Variants in ACCSL observed in about 807,000 individuals in gnomAD.
The protein encoded by ACCSL is 1-aminocyclopropane-1-carboxylate synthase homolog (inactive) like, also known as probable inactive 1-aminocyclopropane-1-carboxylate synthase-like protein 2.
A neutral mutation model predicts 61.7 loss-of-function variants in ACCSL; 55 were observed. That is an observed-to-expected ratio of 0.89 (90% CI 0.72 to 1.12). ACCSL has a LOEUF of 1.12. ACCSL is among the 50% of genes most tolerant of loss of function. The probability of loss-of-function intolerance (pLI) is 0.00; values close to 1 mark genes in which losing one functional copy is unlikely to be tolerated. For synonymous variants in ACCSL, 258 were observed against 264.3 expected (o/e 0.98, Z 0.23); for missense variants, 632 against 698.0 (o/e 0.91, Z 1.07).
chr11:43,956,968 G>T, the ACCSL span, among the ~76,000 whole-genome samples: 1 of 152,156 alleles, frequency 6.6e-6, no homozygotes, highest in African/African-American at 2.4e-5. Context: ...TTAGTGCCCA[G>T]TGAATCTATA....
the ACCSL span, among the ~76,000 whole-genome samples, chr11:43,936,611 G>A: frequency 7.2e-5 from 11 of 152,236 alleles, no homozygotes; most frequent in South Asian, 1.7e-3. Flanking sequence ...TTCCAGGTGC[G>A]GAAGGCCCAC....
At chr11:44,002,071 T>G in the ACCSL span, among the ~76,000 whole-genome samples, 1 of 151,918 alleles carries the variant, frequency 6.6e-6, no homozygotes, top group African/African-American at 2.4e-5. Context: ...CTGGTTTTGT[T>G]GAGCTTTTTT....
chr11:43,936,757 G>C, the ACCSL span, among the ~76,000 whole-genome samples: 1 of 151,696 alleles, frequency 6.6e-6, no homozygotes, highest in Non-Finnish European at 1.5e-5. Context: ...CGGCGGGGAG[G>C]AGTGGTCCTG....
At chr11:43,988,806 CTTTTTTTTTTTTT>C in the ACCSL span, among the ~76,000 whole-genome samples, 11 of 97,232 alleles carry the variant, frequency 1.1e-4, no homozygotes, top group Non-Finnish European at 1.9e-4. Context: ...ATTCTCTCTT[CTTTTTTTTTTTTT>C]TTTTTTTTTT....
intron 8 of ACCSL, among the ~76,000 whole-genome samples, chr11:44,054,594 C>T (rs948900924): frequency 3.9e-5 from 6 of 152,000 alleles, no homozygotes; most frequent in African/African-American, 1.2e-4. Flanking sequence ...GTAGCTACAA[C>T]TGCAGGCATG....
the ACCSL span, among the ~76,000 whole-genome samples, chr11:43,939,564 A>G: frequency 1.9e-4 from 29 of 151,826 alleles, no homozygotes; most frequent in South Asian, 1.7e-3. Flanking sequence ...CTGTGTGTCA[A>G]TGGCACCACC....
intron 8 of ACCSL, 88 bp from the exon 9 acceptor site, chr11:44,055,111 TAAG>T: frequency 1.1e-6 from 1 of 908,490 alleles, no homozygotes; most frequent in Non-Finnish European, 1.7e-6. Context: ...AGACATGACT[TAAG>T]ATTACAAAGA....
chr11:43,938,933 C>CTTTGA, the ACCSL span, among the ~76,000 whole-genome samples: 1 of 152,204 alleles, frequency 6.6e-6, no homozygotes, highest in Non-Finnish European at 1.5e-5. Context: ...TAAAGTTTGG[C>CTTTGA]CTAAGAGACA....
the ACCSL span, among the ~76,000 whole-genome samples, chr11:44,023,462 A>G: frequency 1.3e-5 from 2 of 152,002 alleles, no homozygotes; most frequent in Non-Finnish European, 2.9e-5. Context: ...GTATTCGCTT[A>G]TGATCCTTTT....
chr11:43,965,788 TAAAC>T, the ACCSL span, among the ~76,000 whole-genome samples: 2 of 152,182 alleles, frequency 1.3e-5, no homozygotes, highest in African/African-American at 4.8e-5. Flanking sequence ...AGTTCATAAA[TAAAC>T]CCATACATCT....
At chr11:43,936,009 C>G in the ACCSL span, among the ~76,000 whole-genome samples, 46,320 of 152,170 alleles carry the variant, frequency 0.3, 7,249 homozygotes, top group East Asian at 0.39. Flanking sequence ...AAGCAGGACC[C>G]CCGATGCTGG....
the ACCSL span, chr11:43,933,519 C>A: frequency 4.4e-4 from 78 of 178,018 alleles, no homozygotes; most frequent in East Asian, 8.5e-3. Flanking sequence ...AGGGGTGAAA[C>A]TACTTTGCAA....
intron 1 of ACCSL, among the ~76,000 whole-genome samples, chr11:44,049,231 G>C (rs1304612587): frequency 1.3e-5 from 2 of 151,798 alleles, no homozygotes; most frequent in Non-Finnish European, 2.9e-5. Flanking sequence ...ACCAGCCAGG[G>C]CAACATGGTG....
the ACCSL span, among the ~76,000 whole-genome samples, chr11:43,960,665 A>G: frequency 2.6e-4 from 39 of 152,056 alleles, no homozygotes; most frequent in African/African-American, 8.7e-4. Context: ...GCTTACAGGC[A>G]TGAGCTATCA....
Position 44,051,645 on chromosome 11 carries a change from G to A in ACCSL, c.706-8G>A, listed in dbSNP as rs764807543. 1.9e-6 allele frequency: 3 copies of A among 1,614,058 alleles called. No homozygotes were observed. The highest frequency in any genetic ancestry group is 2.7e-5 in the African/African-American group (2 of 74,932). On this transcript the variant is annotated splice_polypyrimidine_tract_variant and splice_region_variant and intron_variant, in intron 4 of 13. Coordinates refer to ENST00000378832, the MANE Select transcript of ACCSL (RefSeq NM_001031854.2). Reference sequence around the variant, plus strand: ...TTTTGACTTCTGCCTCTCATGTGTTGTCTTCAGGTGGTGGTTCTAAATGGC... The same window carrying A: ...TTTTGACTTCTGCCTCTCATGTGTTATCTTCAGGTGGTGGTTCTAAATGGC...
chr11:44,029,759 G>A, the ACCSL span, among the ~76,000 whole-genome samples: 2 of 152,060 alleles, frequency 1.3e-5, no homozygotes, highest in African/African-American at 4.8e-5. Context: ...TTGCCTGATT[G>A]CTTGGTGAGT....
chr11:43,976,734 T>G, the ACCSL span, among the ~76,000 whole-genome samples: 1 of 152,164 alleles, frequency 6.6e-6, no homozygotes, highest in Non-Finnish European at 1.5e-5. Flanking sequence ...AGGGGTGCCC[T>G]TCATTCCTGC....
At chr11:43,933,580 T>G in the ACCSL span, among the ~76,000 whole-genome samples, 2 of 152,220 alleles carry the variant, frequency 1.3e-5, no homozygotes, top group Non-Finnish European at 2.9e-5. Context: ...CATGTAAAGA[T>G]TCTCAGACCA....
the ACCSL span, among the ~76,000 whole-genome samples, chr11:43,950,175 C>T: frequency 6.6e-6 from 1 of 152,184 alleles, no homozygotes; most frequent in Admixed American, 6.5e-5. Flanking sequence ...TCGAGTTGTT[C>T]CACATTCTGG....
Sources: allele counts gnomAD v4.1 joint callset (sites outside exome capture counted in the v4.1 genomes callset), GRCh38; gene constraint gnomAD v4.1.1; transcripts MANE v1.5; gene names NCBI Gene and HGNC (gene_info 2026-07-23, HGNC 2026-07-21).